The following CHRM5 variants were observed in gnomAD, a reference collection of about 807,000 sequenced individuals.
CHRM5 encodes muscarinic acetylcholine receptor M5.
Under a neutral mutation model 39.0 loss-of-function variants are expected in CHRM5, and 18 were observed. That is an observed-to-expected ratio of 0.46 (90% CI 0.32 to 0.68). CHRM5 has a LOEUF of 0.68. Ranked by LOEUF, CHRM5 falls within the 30% of genes least tolerant of loss-of-function variation. The pLI is 0.04. For missense variants in CHRM5, 515 were observed against 651.1 expected (o/e 0.79, Z 2.28); for synonymous variants, 241 against 246.3 (o/e 0.98, Z 0.20).
intron 1 of CHRM5, among the ~76,000 whole-genome samples, chr15:33,976,103 C>A (rs748548691): frequency 7.2e-5 from 11 of 152,134 alleles, no homozygotes; most frequent in Non-Finnish European, 1.5e-4. Context: ...TAAGCTTGAA[C>A]CTCCATATAT....
At chr15:34,034,700 A>G (rs1261131835) in intron 1 of CHRM5, among the ~76,000 whole-genome samples, 1 of 152,206 alleles carries the variant, frequency 6.6e-6, no homozygotes, top group East Asian at 1.9e-4. Flanking sequence ...TCAGTGAGAA[A>G]AGCAACTTAA....
chr15:33,981,924 C>G (rs544748367), intron 1 of CHRM5, among the ~76,000 whole-genome samples: 1 of 152,234 alleles, frequency 6.6e-6, no homozygotes, highest in African/African-American at 2.4e-5. Context: ...AACCTCAGCT[C>G]ACTGCAACCT....
At position 34,062,774 on chromosome 15, in the gene CHRM5, C is replaced by G. The variant is rs778087279; in HGVS notation, c.57C>G (p.His19Gln). 1 of 1,614,080 alleles carries G rather than the reference C, an allele frequency of 6.2e-7. No individual in the cohort carries two copies. Among genetic ancestry groups the G allele is most frequent in the Non-Finnish European group, 8.5e-7 (1 of 1,179,990 alleles). The change falls in exon 3 of 3, where the codon CAC becomes CAG. Residue 19 changes from histidine (H) to glutamine (Q), a missense_variant. Physicochemically the swap from His to Gln is conservative, Grantham distance 24 (BLOSUM62 0). Transcript: ENST00000383263. ...ATTVNGTPVN[H>Q]QPLERHRLWE... is the part of the protein sequence containing the mutation. ...CCGTCAATGGCACCCCAGTAAATCA[C>G]CAGCCTTTGGAACGCCACAGGTTGT...
chr15:34,037,045 G>GT (rs565356695), intron 1 of CHRM5, among the ~76,000 whole-genome samples: 15 of 151,708 alleles, frequency 9.9e-5, no homozygotes, highest in Non-Finnish European at 2.2e-4. Flanking sequence ...GGAGGCGGAG[G>GT]TTGCAGCAAG....
Position 34,003,245 on chromosome 15 carries a change from T to A in CHRM5, c.-408+34095T>A, listed in dbSNP as rs775644367. The A allele has an allele frequency of 6.9e-6, 11 of 1,603,394 alleles. No individual in the cohort carries two copies. In the Admixed American group the frequency reaches 1.0e-4, roughly 15 times the overall value. ...TAGAGACAAATCAATAAGTAAGCAG[T>A]GGAAATCCTGACCTTAGTAGACTTC... On this transcript the variant is annotated intron_variant, in intron 1 of 2. Coordinates refer to ENST00000383263, the MANE Select transcript of CHRM5 (RefSeq NM_012125.4).
Position 34,064,160 on chromosome 15 carries a change from T to C in CHRM5, c.1443T>C (p.Tyr481=), listed in dbSNP as rs754046409. 6.2e-7 allele frequency: 1 copy of C among 1,614,232 alleles called. No individual in the cohort carries two copies. The highest frequency in any genetic ancestry group is 8.5e-7 in the Non-Finnish European group (1 of 1,180,034). The change falls in exon 3 of 3, where the codon TAT becomes TAC. Residue 481 remains tyrosine, a synonymous_variant. Transcript: ENST00000383263. ...CAGTCACCCTGTGGCACTTGGGCTA[T>C]TGGTTGTGCTATGTCAATAGCACTG... is the stretch of plus-strand genomic sequence containing the variant. ...CVPVTLWHLG[Y]WLCYVNSTVN... is the part of the protein sequence containing the mutation.
intron 1 of CHRM5, among the ~76,000 whole-genome samples, chr15:34,023,551 T>G (rs1898306022): frequency 6.6e-6 from 1 of 152,158 alleles, no homozygotes; most frequent in African/African-American, 2.4e-5. Flanking sequence ...TGAGATTCAG[T>G]GCACAATTTC....
chr15:33,993,064 T>C (rs763756805), intron 1 of CHRM5, among the ~76,000 whole-genome samples: 2 of 152,232 alleles, frequency 1.3e-5, no homozygotes, highest in Non-Finnish European at 2.9e-5. Flanking sequence ...CTGCTCACAC[T>C]GTTAAACATT....
At chr15:34,015,823 A>G (rs1367368015) in intron 1 of CHRM5, among the ~76,000 whole-genome samples, 1 of 152,220 alleles carries the variant, frequency 6.6e-6, no homozygotes, top group African/African-American at 2.4e-5. Context: ...ATTTTATTTC[A>G]AAGATAAAAT....
rs1257803464 is a variant in CHRM5, at chr15:34,044,221, C to A, written c.-407-2319C>A. ...GCACTGTCTCCAATTCTCCTTCTCC[C>A]ATTCGCTATTTTATCCACTCCTCAA... On this transcript the variant is annotated intron_variant, in intron 1 of 2. Coordinates refer to ENST00000383263, the MANE Select transcript of CHRM5 (RefSeq NM_012125.4). Among the ~76,000 whole-genome samples, 7 of 152,302 alleles carry A rather than the reference C, an allele frequency of 4.6e-5. No homozygotes were observed. In the East Asian group the frequency reaches 1.3e-3, roughly 29 times the overall value.
chr15:33,997,676 G>A (rs143869189), intron 1 of CHRM5, among the ~76,000 whole-genome samples: 19 of 151,970 alleles, frequency 1.3e-4, no homozygotes, highest in Middle Eastern at 3.4e-3. Flanking sequence ...TCTTTTTACT[G>A]CCCCTCATCT....
In CHRM5 at chr15:34,030,622, C is replaced by G. The variant is rs138640913; in HGVS notation, c.-407-15918C>G. On this transcript the variant is annotated intron_variant, in intron 1 of 2. Transcript: ENST00000383263. Reference sequence around the variant, plus strand: ...GGATTACAGGTGTGAGCCACCACGCCCAGCCTGGTTTGGGGGGTTTTGTTG... The same window carrying G: ...GGATTACAGGTGTGAGCCACCACGCGCAGCCTGGTTTGGGGGGTTTTGTTG... Among the ~76,000 whole-genome samples the G allele has an allele frequency of 4.1e-4, 62 of 151,936 alleles. 1 individual carries two copies. The East Asian group carries it at 0.011, about 28-fold the overall frequency.
chr15:34,008,952 G>GCACACACACAAACACACACA (rs142138959), intron 1 of CHRM5, among the ~76,000 whole-genome samples: 2 of 95,516 alleles, frequency 2.1e-5, no homozygotes, highest in African/African-American at 5.8e-5. Flanking sequence ...ACGTGCGCGC[G>GCACACACACAAACACACACA]CGCACACACA....
At chr15:33,977,362 T>C (rs1035534746) in intron 1 of CHRM5, among the ~76,000 whole-genome samples, 2 of 152,190 alleles carry the variant, frequency 1.3e-5, no homozygotes, top group Non-Finnish European at 2.9e-5. Flanking sequence ...ATGAGACAGA[T>C]TCAAAACAAA....
rs925534953 is a variant in CHRM5 at position 34,067,044 on chromosome 15, G to A, written c.*2728G>A. The A allele has an allele frequency of 6.6e-6, 1 of 152,198 alleles. No individual in the cohort carries two copies. The highest frequency in any genetic ancestry group is 6.5e-5 in the Admixed American group (1 of 15,282). 9.4% of individuals were successfully genotyped at this position (152,198 alleles called of 1,614,324 possible). A position where few individuals can be genotyped will look rare whatever the true frequency, so the allele number is the denominator to read the frequency against. Reference sequence around the variant, plus strand: ...TGGGTGGGTGGGAGGCGCATGGCCTGACTTGAGATCTTAGGCCTTCTATGC... The same window carrying A: ...TGGGTGGGTGGGAGGCGCATGGCCTAACTTGAGATCTTAGGCCTTCTATGC... On this transcript the variant is annotated 3_prime_UTR_variant, in exon 3 of 3. Transcript: ENST00000383263.
chr15:34,019,008 A>G (rs555404749), intron 1 of CHRM5, among the ~76,000 whole-genome samples: 216 of 151,858 alleles, frequency 1.4e-3, no homozygotes, highest in African/African-American at 5.1e-3. Flanking sequence ...TGCATCTACA[A>G]TCTAACTAGA....
chr15:34,038,958 C>T (rs1472373078), intron 1 of CHRM5: 4 of 1,108,452 alleles, frequency 3.6e-6, no homozygotes, highest in South Asian at 3.9e-5. Context: ...CGCTGCGGCT[C>T]CGGGCCGCTC....
At chr15:34,011,376 T>C (rs1300397484) in intron 1 of CHRM5, among the ~76,000 whole-genome samples, 6 of 152,208 alleles carry the variant, frequency 3.9e-5, no homozygotes. Flanking sequence ...ATGTTGTATA[T>C]TAAATAAGAT....
chr15:34,042,613 G>T lies in CHRM5; in HGVS notation c.-407-3927G>T, dbSNP rs893697369. ...AGACGGGGTTTCTCCATGTTGGTCA[G>T]GCTGGTCTCAAACTCCCGACCTCAG... On this transcript the variant is annotated intron_variant, in intron 1 of 2. Transcript: ENST00000383263. Among the ~76,000 whole-genome samples the T allele has an allele frequency of 4.6e-5, 7 of 151,876 alleles. No individual in the cohort carries two copies. In the South Asian group the frequency reaches 8.3e-4, roughly 18 times the overall value.
Sources: gnomAD v4.1 joint callset for allele counts (sites outside exome capture counted in the v4.1 genomes callset) on GRCh38, gnomAD v4.1.1 for gene constraint, MANE v1.5 for transcripts, NCBI Gene and HGNC (gene_info 2026-07-23, HGNC 2026-07-21) for gene names.